The following DMD variants were observed in gnomAD, a reference collection of about 807,000 sequenced individuals.
The protein encoded by DMD is dystrophin.
DMD carries 63 observed loss-of-function variants against 330.1 expected under a neutral mutation model. The observed-to-expected ratio is 0.19, with a 90% CI of 0.16 to 0.24. DMD has a LOEUF of 0.24. DMD is among the 10% of genes least tolerant of loss of function. DMD has a pLI of 1.00. For synonymous variants in DMD, 1,223 were observed against 959.8 expected, an observed-to-expected ratio of 1.27 and a Z score of -5.07; for missense variants, 3,344 against 2,684.1, an observed-to-expected ratio of 1.25 and a Z score of -5.43.
rs752039064 is a variant in DMD, at chrX:32,389,487, C to G, written c.4518+14G>C. The stretch of plus-strand genomic sequence containing the variant: ...TCAAGGGGTACCTGCGTATTTGCCA[C>G]CAGAAATACATACCACACAATGATT... On this transcript the variant is annotated intron_variant, in intron 32 of 78. Transcript: ENST00000357033. The G allele has an allele frequency of 8.3e-7, 1 of 1,209,477 alleles. No individual in the cohort carries two copies. Among genetic ancestry groups the G allele is most frequent in the Non-Finnish European group, 1.1e-6 (1 of 893,555 alleles).
intron 27 of DMD, among the ~76,000 whole-genome samples, chrX:32,441,741 C>A (rs1403867584): frequency 9.0e-6 from 1 of 111,444 alleles, no homozygotes; most frequent in East Asian, 2.8e-4. Flanking sequence ...CTATAGCTCT[C>A]TTTTCACTAA....
At chrX:31,836,957 T>C (rs1177356594) in intron 48 of DMD, 138 bp from the exon 49 acceptor site, 1 of 503,600 alleles carries the variant, frequency 2.0e-6, no homozygotes, top group Non-Finnish European at 3.4e-6. Context: ...AAAATGTAGC[T>C]TTTGGTGCAG....
intron 67 of DMD, among the ~76,000 whole-genome samples, chrX:31,201,514 A>T (rs981371967): frequency 8.9e-6 from 1 of 112,767 alleles, no homozygotes; most frequent in African/African-American, 3.2e-5. Context: ...CAGAGACAGA[A>T]ATGTAACCAA....
At chrX:31,126,803 GAAAAAAAAA>G in intron 77 of DMD, 130 bp from the exon 78 acceptor site, 5 of 260,144 alleles carry the variant, frequency 1.9e-5, no homozygotes, top group Non-Finnish European at 2.0e-5. Flanking sequence ...TTCTCTGCTG[GAAAAAAAAA>G]AAAAAAAAAA....
intron 42 of DMD, among the ~76,000 whole-genome samples, chrX:32,309,872 T>C (rs112926449): frequency 8.1e-5 from 9 of 111,229 alleles, no homozygotes; most frequent in African/African-American, 2.6e-4. Context: ...AGGATGTCTC[T>C]CAAAGCTAAA....
chrX:32,844,665 C>A (rs1290341844), intron 4 of DMD, 118 bp downstream of exon 4: 3 of 608,021 alleles, frequency 4.9e-6, no homozygotes, highest in African/African-American at 2.2e-5. Context: ...TCAGTAAGAA[C>A]TGGTCTGATT....
chrX:32,096,353 C>G (rs1294351108), intron 44 of DMD, among the ~76,000 whole-genome samples: 2 of 111,228 alleles, frequency 1.8e-5, no homozygotes, highest in Non-Finnish European at 3.8e-5. Flanking sequence ...TGACATAGCT[C>G]TTCAAATAAA....
Position 31,209,568 on chromosome X carries a change from G to C in DMD, c.9493C>G (p.His3165Asp). The change falls in exon 65 of 79, where the codon CAC becomes GAC. Residue 3165 changes from histidine (H) to aspartate (D), a missense_variant. Physicochemically the swap from His to Asp is moderately conservative, Grantham distance 81 (BLOSUM62 -1). Transcript: ENST00000357033. ...TTIYDRLEQE[H>D]NNLVNVPLCV... Reference sequence around the variant, plus strand: ...AGAGGGACGTTGACCAAATTGTTGTGCTCTTGCTCCAGGCGGTCATAAATA... The same window carrying C: ...AGAGGGACGTTGACCAAATTGTTGTCCTCTTGCTCCAGGCGGTCATAAATA... The C allele has an allele frequency of 5.8e-6, 7 of 1,211,392 alleles. No homozygotes were observed. Among genetic ancestry groups the C allele is most frequent in the Non-Finnish European group, 7.8e-6 (7 of 895,331 alleles).
chrX:32,165,777 C>T (rs1018292427), intron 44 of DMD, among the ~76,000 whole-genome samples: 1 of 111,100 alleles, frequency 9.0e-6, no homozygotes, highest in African/African-American at 3.3e-5. Flanking sequence ...CCCCATAATC[C>T]CCAGGTGTCA....
chrX:32,698,648 A>C (rs1194094639), intron 8 of DMD, among the ~76,000 whole-genome samples: 6 of 111,991 alleles, frequency 5.4e-5, no homozygotes, highest in Non-Finnish European at 1.9e-5. Context: ...AGTTTAAAAC[A>C]CTTTTCTATT....
chrX:31,210,440 T>C (rs1249488442), intron 64 of DMD, among the ~76,000 whole-genome samples: 1 of 112,269 alleles, frequency 8.9e-6, no homozygotes, highest in Non-Finnish European at 1.9e-5. Context: ...TGTTTAATCT[T>C]ATGCTGGGGA....
intron 2 of DMD, among the ~76,000 whole-genome samples, chrX:32,890,682 T>C (rs1476288489): frequency 9.0e-6 from 1 of 111,439 alleles, no homozygotes; most frequent in Non-Finnish European, 1.9e-5. Context: ...AAAAAGAAAT[T>C]CGGGAAATCA....
chrX:32,925,793 T>A (rs1377213570), intron 2 of DMD, among the ~76,000 whole-genome samples: 1 of 111,764 alleles, frequency 8.9e-6, no homozygotes, highest in African/African-American at 3.3e-5. Context: ...AAAAGAGCAT[T>A]GGTGAATGTA....
At chrX:32,645,701 C>G (rs963622057) in intron 9 of DMD, among the ~76,000 whole-genome samples, 11 of 111,910 alleles carry the variant, frequency 9.8e-5, no homozygotes, top group Non-Finnish European at 2.1e-4. Flanking sequence ...AAATTTCTAA[C>G]AGCATAATGA....
intron 29 of DMD, among the ~76,000 whole-genome samples, chrX:32,428,674 C>A (rs1226937599): frequency 1.8e-5 from 2 of 111,527 alleles, no homozygotes; most frequent in African/African-American, 6.5e-5. Context: ...GTGGAGACTG[C>A]AATCTCAGCT....
At chrX:32,934,534 G>C (rs2089842812) in intron 2 of DMD, among the ~76,000 whole-genome samples, 1 of 111,296 alleles carries the variant, frequency 9.0e-6, no homozygotes, top group Admixed American at 9.5e-5. Context: ...TTTAAAAATA[G>C]AAAAAAGCAT....
chrX:31,601,514 C>T (rs867120348), intron 55 of DMD, among the ~76,000 whole-genome samples: 4 of 111,202 alleles, frequency 3.6e-5, no homozygotes, highest in Admixed American at 9.6e-5. Context: ...GAAGCATAAC[C>T]TTTTTCTGAG....
intron 52 of DMD, among the ~76,000 whole-genome samples, chrX:31,685,839 C>T (rs895557888): frequency 1.8e-5 from 2 of 112,433 alleles, no homozygotes; most frequent in Non-Finnish European, 3.8e-5. Context: ...GCCTTTACCC[C>T]CTTGTGGTTG....
chrX:31,309,831 C>A (rs1166105352), intron 62 of DMD, among the ~76,000 whole-genome samples: 1 of 111,990 alleles, frequency 8.9e-6, no homozygotes, highest in African/African-American at 3.2e-5. Context: ...CAAAAGTTTT[C>A]CATTTTATAA....
Sources: gnomAD v4.1 joint callset for allele counts (sites outside exome capture counted in the v4.1 genomes callset) on GRCh38, gnomAD v4.1.1 for gene constraint, MANE v1.5 for transcripts, NCBI Gene and HGNC (gene_info 2026-07-23, HGNC 2026-07-21) for gene names.